Variants in IFIT3 observed in about 807,000 individuals in gnomAD.
The protein encoded by IFIT3 is interferon-induced protein with tetratricopeptide repeats 3.
IFIT3 carries 2 observed loss-of-function variants against 2.4 expected under a neutral mutation model. The ratio of observed to expected loss-of-function variants is 0.82; its 90% confidence interval spans 0.34 to 2.60. The LOEUF (loss-of-function observed/expected upper bound fraction) is 2.60. Ranked by LOEUF, IFIT3 falls within the 30% of genes most tolerant of loss-of-function variation. The pLI, the probability that IFIT3 is intolerant of heterozygous loss-of-function variation, is 0.11. For synonymous variants in IFIT3, 203 were observed against 212.1 expected (o/e 0.96, Z 0.37); for missense variants, 481 against 562.4 (o/e 0.86, Z 1.46).
chr10:89,332,525 C>G, intron 1 of IFIT3: 2 of 1,611,122 alleles, frequency 1.2e-6, no homozygotes. Flanking sequence ...TAACAGCACC[C>G]TGGGTGGAAA....
chr10:89,329,366 GA>G (rs1843628309), intron 1 of IFIT3, among the ~76,000 whole-genome samples: 1 of 152,178 alleles, frequency 6.6e-6, no homozygotes, highest in East Asian at 1.9e-4. Context: ...GAGTGGGATT[GA>G]CCAGAGAGCA....
chr10:89,334,793 C>T (rs1843710359), intron 1 of IFIT3, among the ~76,000 whole-genome samples: 2 of 151,986 alleles, frequency 1.3e-5, no homozygotes, highest in South Asian at 4.1e-4. Context: ...GCCCGGCCAC[C>T]TAGCTGTTCT....
At chr10:89,333,738 T>C (rs2133548691) in intron 1 of IFIT3, among the ~76,000 whole-genome samples, 1 of 152,296 alleles carries the variant, frequency 6.6e-6, no homozygotes, top group Admixed American at 6.5e-5. Context: ...GAGAAACTGG[T>C]GATTGGAAAT....
At chr10:89,332,156 G>A (rs1287092590) in intron 1 of IFIT3, among the ~76,000 whole-genome samples, 1 of 152,192 alleles carries the variant, frequency 6.6e-6, no homozygotes, top group Non-Finnish European at 1.5e-5. Flanking sequence ...ACTTGAACCC[G>A]AGAGGCAGAA....
rs1390643649 is a variant in IFIT3 at position 89,338,681 on chromosome 10, T to C, written c.26T>C (p.Leu9Pro). The C allele has an allele frequency of 1.2e-6, 2 of 1,612,668 alleles. No homozygotes were observed. The highest frequency in any genetic ancestry group is 2.2e-5 in the East Asian group (1 of 44,870). Residue 9 changes from leucine to proline, a missense_variant, in exon 2 of 2, where the codon CTG becomes CCG. By Grantham distance (98) the Leu-to-Pro change is moderately conservative. Transcript: ENST00000371818. ...CACAGTGAGGTCACCAAGAATTCCCTGGAGAAAATCCTTCCACAGCTGAAA... is the reference window on the plus strand; with the variant it reads ...CACAGTGAGGTCACCAAGAATTCCCCGGAGAAAATCCTTCCACAGCTGAAA... MSEVTKNS[L>P]EKILPQLKCH...
At chr10:89,333,133 T>C (rs1202354741) in intron 1 of IFIT3, among the ~76,000 whole-genome samples, 2 of 152,150 alleles carry the variant, frequency 1.3e-5, no homozygotes. Context: ...TTTTCATAAT[T>C]GGGGGATATG....
At position 89,340,499 on chromosome 10, in the gene IFIT3, A is replaced by T. The variant is rs887425857; in HGVS notation, c.*371A>T. On this transcript the variant is annotated 3_prime_UTR_variant, in exon 2 of 2. Coordinates refer to ENST00000371818, the MANE Select transcript of IFIT3 (RefSeq NM_001549.6). ...CGTGAACCTGGAAGGAAGAGGTTGC[A>T]GTGAGCCAAGATTGCGCCCCTGCAC... The T allele has an allele frequency of 6.8e-6, 1 of 147,746 alleles. No individual in the cohort carries two copies. Among genetic ancestry groups the T allele is most frequent in the African/African-American group, 2.6e-5 (1 of 37,848 alleles). The allele number at this position is 147,746 out of a possible 1,614,324, so 9.2% of individuals were successfully genotyped here. A position where few individuals can be genotyped will look rare whatever the true frequency, so the allele number is the denominator to read the frequency against.
chr10:89,334,060 GA>G (rs1843691688), intron 1 of IFIT3, among the ~76,000 whole-genome samples: 1 of 152,186 alleles, frequency 6.6e-6, no homozygotes, highest in Admixed American at 6.5e-5. Context: ...ACATGCTGGG[GA>G]CAAGCTGCAC....
intron 1 of IFIT3, among the ~76,000 whole-genome samples, chr10:89,337,742 A>G (rs1843767409): frequency 6.6e-6 from 1 of 152,220 alleles, no homozygotes; most frequent in Admixed American, 6.5e-5. Flanking sequence ...ATTTCCTGTC[A>G]CTGAAGCTGC....
chr10:89,330,230 A>G (rs553521545), intron 1 of IFIT3, among the ~76,000 whole-genome samples: 2 of 152,304 alleles, frequency 1.3e-5, no homozygotes, highest in African/African-American at 4.8e-5. Context: ...TCACCCTTCC[A>G]ACAGCCCTAG....
rs771045228 is a variant in IFIT3, at chr10:89,340,126, T to C, written c.1471T>C (p.Ter491ArgextTer16). 2 of 1,584,358 alleles carry C rather than the reference T, an allele frequency of 1.3e-6. No homozygotes were observed. The highest frequency in any genetic ancestry group is 1.7e-6 in the Non-Finnish European group (2 of 1,164,370). Residue 491 changes from the stop codon to arginine, a stop_lost, in exon 2 of 2, where the codon TGA becomes CGA. Transcript: ENST00000371818. ...CCTCTCTAACTCAGAGCAACTGAAC[T>C]GAGACAGAGGAGGAAAACAGAGCAT... is the stretch of plus-strand genomic sequence containing the variant. ...ELLSNSEQLN[*>R]
At chr10:89,330,206 C>T (rs747967173) in intron 1 of IFIT3, among the ~76,000 whole-genome samples, 10 of 152,164 alleles carry the variant, frequency 6.6e-5, no homozygotes, top group Non-Finnish European at 1.2e-4. Context: ...ACACGTTTTA[C>T]GCATGACCTC....
At chr10:89,334,782 C>T (rs1261782120) in intron 1 of IFIT3, among the ~76,000 whole-genome samples, 7 of 152,138 alleles carry the variant, frequency 4.6e-5, no homozygotes, top group African/African-American at 7.2e-5. Flanking sequence ...TGAGCCACCG[C>T]GCCCGGCCAC....
At chr10:89,332,863 A>C (rs886586666) in intron 1 of IFIT3, among the ~76,000 whole-genome samples, 24 of 152,184 alleles carry the variant, frequency 1.6e-4, no homozygotes, top group African/African-American at 5.3e-4. Flanking sequence ...GGGCATATTG[A>C]GAGATCCTAG....
At chr10:89,332,687 T>A (rs371072510) in intron 1 of IFIT3, 17 of 1,530,152 alleles carry the variant, frequency 1.1e-5, no homozygotes, top group Non-Finnish European at 1.3e-5. Flanking sequence ...CTTCCTGACT[T>A]ATGCTATTTC....
At chr10:89,334,394 T>G (rs1843696697) in intron 1 of IFIT3, among the ~76,000 whole-genome samples, 1 of 151,600 alleles carries the variant, frequency 6.6e-6, no homozygotes, top group Admixed American at 6.6e-5. Context: ...TTCTACTAGA[T>G]GCAGATCCAG....
chr10:89,333,692 A>T (rs1307876798), intron 1 of IFIT3, among the ~76,000 whole-genome samples: 1 of 152,182 alleles, frequency 6.6e-6, no homozygotes, highest in Non-Finnish European at 1.5e-5. Context: ...ATAAAAATAA[A>T]GCAAAGTTTG....
intron 1 of IFIT3, among the ~76,000 whole-genome samples, chr10:89,332,278 T>C (rs983447893): frequency 3.3e-5 from 5 of 152,276 alleles, no homozygotes; most frequent in African/African-American, 1.2e-4. Flanking sequence ...GAGTCAGTTT[T>C]CAGGGCTTAA....
chr10:89,334,682 G>T (rs1337215473), intron 1 of IFIT3, among the ~76,000 whole-genome samples: 1 of 150,588 alleles, frequency 6.6e-6, no homozygotes, highest in Non-Finnish European at 1.5e-5. Context: ...TAGTACAGGC[G>T]GGGTTTCATC....
Sources: allele counts gnomAD v4.1 joint callset (sites outside exome capture counted in the v4.1 genomes callset), GRCh38; gene constraint gnomAD v4.1.1; transcripts MANE v1.5; gene names NCBI Gene and HGNC (gene_info 2026-07-23, HGNC 2026-07-21).